Variants in MMP26 observed in about 807,000 individuals in gnomAD.
The protein encoded by MMP26 is matrix metalloproteinase-26.
A neutral mutation model predicts 31.0 loss-of-function variants in MMP26; 33 were observed. The ratio of observed to expected loss-of-function variants is 1.06; its 90% confidence interval spans 0.81 to 1.42. The LOEUF (loss-of-function observed/expected upper bound fraction) is 1.42, where lower values mean the gene tolerates loss of function less well. Ranked by LOEUF, MMP26 falls within the 40% of genes most tolerant of loss-of-function variation. The pLI, the probability that MMP26 is intolerant of heterozygous loss-of-function variation, is 0.00. For missense variants in MMP26, 347 were observed against 316.1 expected, an observed-to-expected ratio of 1.10 and a Z score of -0.74; for synonymous variants, 122 against 114.9, an observed-to-expected ratio of 1.06 and a Z score of -0.40.
intron 2 of MMP26, among the ~76,000 whole-genome samples, chr11:4,783,650 G>T (rs1045686256): frequency 6.6e-6 from 1 of 152,098 alleles, no homozygotes; most frequent in Non-Finnish European, 1.5e-5. Context: ...ATGTGGTTTG[G>T]CTCTGTGTCC....
chr11:4,819,111 C>T (rs1849458901), intron 2 of MMP26, among the ~76,000 whole-genome samples: 2 of 152,052 alleles, frequency 1.3e-5, no homozygotes, highest in Non-Finnish European at 2.9e-5. Flanking sequence ...GGAGGAAAAA[C>T]AGTTATAAGA....
At chr11:4,818,459 G>A (rs968629991) in intron 2 of MMP26, among the ~76,000 whole-genome samples, 8 of 151,398 alleles carry the variant, frequency 5.3e-5, no homozygotes, top group Non-Finnish European at 1.0e-4. Flanking sequence ...ATTTTTCATC[G>A]TTTTTGTAAA....
At chr11:4,724,785 C>T (rs188932168) in intron 1 of MMP26, among the ~76,000 whole-genome samples, 8 of 152,248 alleles carry the variant, frequency 5.3e-5, no homozygotes, top group Admixed American at 2.0e-4. Flanking sequence ...ACAGAAAAAT[C>T]GCAGATGCTA....
intron 2 of MMP26, among the ~76,000 whole-genome samples, chr11:4,857,336 A>G (rs1236023211): frequency 2.0e-5 from 3 of 152,178 alleles, no homozygotes; most frequent in African/African-American, 7.2e-5. Context: ...TAGCAAGACT[A>G]ATAAAGAAGA....
chr11:4,968,935 AAAC>A (rs1162642650), intron 2 of MMP26, among the ~76,000 whole-genome samples: 2 of 152,018 alleles, frequency 1.3e-5, no homozygotes, highest in South Asian at 2.1e-4. Context: ...TTTCTTTCCT[AAAC>A]AACATCATAT....
intron 2 of MMP26, among the ~76,000 whole-genome samples, chr11:4,799,635 C>G (rs374762697): frequency 1.3e-5 from 2 of 152,246 alleles, no homozygotes; most frequent in African/African-American, 4.8e-5. Flanking sequence ...AATAGTCCCC[C>G]AAAGTCTTAA....
chr11:4,806,637 C>T (rs1182532340), intron 2 of MMP26, among the ~76,000 whole-genome samples: 1 of 152,022 alleles, frequency 6.6e-6, no homozygotes, highest in African/African-American at 2.4e-5. Flanking sequence ...AGATGGGTCT[C>T]CTGAATACAG....
chr11:4,715,254 C>T lies in MMP26; in HGVS notation c.-217+10209C>T, dbSNP rs1847913372. ...TGTTAGAGAGGTGTATTTGATCGTA[C>T]AATGGAATAAACACTATTTTAGATG... On this transcript the variant is annotated intron_variant, in intron 1 of 7. Coordinates refer to ENST00000380390, the MANE Select transcript of MMP26 (RefSeq NM_021801.5). 2.0e-5 allele frequency among the ~76,000 whole-genome samples: 3 copies of T among 148,092 alleles called. No homozygotes were observed. In the South Asian group the frequency reaches 6.3e-4, roughly 31 times the overall value.
At chr11:4,735,322 G>A (rs530618242) in intron 1 of MMP26, among the ~76,000 whole-genome samples, 4 of 152,150 alleles carry the variant, frequency 2.6e-5, no homozygotes, top group Non-Finnish European at 4.4e-5. Context: ...ATATATATGT[G>A]TGTGTGTATA....
intron 2 of MMP26, among the ~76,000 whole-genome samples, chr11:4,867,686 G>T (rs1411592289): frequency 1.3e-5 from 2 of 152,034 alleles, no homozygotes; most frequent in African/African-American, 2.4e-5. Context: ...ACCATGTGCA[G>T]CTGAGATGCT....
rs545133827 is a variant in MMP26 at position 4,920,521 on chromosome 11, C to G, written c.-144-67547C>G. On this transcript the variant is annotated intron_variant, in intron 2 of 7. Coordinates refer to ENST00000380390, the MANE Select transcript of MMP26 (RefSeq NM_021801.5). ...GACACAGAAAGGAAATCTCCATACTCTGACATGAGGCCCCAGATGTAAGAA... is the reference window on the plus strand; with the variant it reads ...GACACAGAAAGGAAATCTCCATACTGTGACATGAGGCCCCAGATGTAAGAA... Among the ~76,000 whole-genome samples, 26 of 152,264 alleles carry G rather than the reference C, an allele frequency of 1.7e-4. No homozygotes were observed. In the East Asian group the frequency reaches 4.6e-3, roughly 27 times the overall value.
intron 2 of MMP26, among the ~76,000 whole-genome samples, chr11:4,918,416 T>A (rs747745163): frequency 3.3e-5 from 5 of 152,120 alleles, no homozygotes; most frequent in Non-Finnish European, 5.9e-5. Flanking sequence ...TGCTTCAGAT[T>A]GTAAGGAGGT....
chr11:4,892,564 G>C (rs1850640351), intron 2 of MMP26, among the ~76,000 whole-genome samples: 1 of 152,094 alleles, frequency 6.6e-6, no homozygotes, highest in African/African-American at 2.4e-5. Context: ...CACAGTTCTT[G>C]GCAAATAGCA....
intron 2 of MMP26, among the ~76,000 whole-genome samples, chr11:4,851,336 T>C (rs140502083): frequency 6.6e-6 from 1 of 152,184 alleles, no homozygotes; most frequent in East Asian, 1.9e-4. Flanking sequence ...GGCAAGGAAA[T>C]AGGGAGGGCC....
At chr11:4,819,316 A>T (rs908151460) in intron 2 of MMP26, among the ~76,000 whole-genome samples, 2 of 152,156 alleles carry the variant, frequency 1.3e-5, no homozygotes, top group Non-Finnish European at 2.9e-5. Flanking sequence ...AGATAATTTT[A>T]CAAGTGACTT....
At position 4,992,407 on chromosome 11, in the gene MMP26, A is replaced by G; in HGVS notation, c.*165A>G. ...ACACTCAAAACGCTACTGAGTCACA[A>G]TAAAGATTGTTTTAAAGAGTAATAT... On this transcript the variant is annotated 3_prime_UTR_variant, in exon 8 of 8. Coordinates refer to ENST00000380390, the MANE Select transcript of MMP26 (RefSeq NM_021801.5). 1.6e-6 allele frequency: 1 copy of G among 641,250 alleles called. No homozygotes were observed. The highest frequency in any genetic ancestry group is 2.8e-6 in the Non-Finnish European group (1 of 362,812). The allele number at this position is 641,250 out of a possible 1,614,324, so 39.7% of individuals were successfully genotyped here. A position where few individuals can be genotyped will look rare whatever the true frequency, so the allele number is the denominator to read the frequency against.
chr11:4,724,985 C>T (rs1456107485), intron 1 of MMP26, among the ~76,000 whole-genome samples: 3 of 152,188 alleles, frequency 2.0e-5, no homozygotes, highest in Non-Finnish European at 4.4e-5. Context: ...GATTGGATCA[C>T]AGGGACAGTT....
In MMP26 at chr11:4,849,409, C is replaced by G. The variant is rs531926549; in HGVS notation, c.-145+82068C>G. 7.0e-4 allele frequency among the ~76,000 whole-genome samples: 107 copies of G among 152,260 alleles called. 1 individual carries two copies. In the Middle Eastern group the frequency reaches 0.014, roughly 19 times the overall value. ...CTAATAGTATATGCAGCATTCATTC[C>G]TTGCCTTTGAGGTTTTTCTATAGCT... On this transcript the variant is annotated intron_variant, in intron 2 of 7. Coordinates refer to ENST00000380390, the MANE Select transcript of MMP26 (RefSeq NM_021801.5).
chr11:4,894,358 A>G (rs1422159827), intron 2 of MMP26, among the ~76,000 whole-genome samples: 1 of 152,150 alleles, frequency 6.6e-6, no homozygotes, highest in African/African-American at 2.4e-5. Context: ...TTTGATTCTG[A>G]GCTTTTTAAA....
Sources: allele counts gnomAD v4.1 joint callset (sites outside exome capture counted in the v4.1 genomes callset), GRCh38; gene constraint gnomAD v4.1.1; transcripts MANE v1.5; gene names NCBI Gene and HGNC (gene_info 2026-07-23, HGNC 2026-07-21).